ITGB6: variants seen among roughly 807,000 people sequenced by gnomAD.
The protein encoded by ITGB6 is integrin beta-6.
In ITGB6, 80 loss-of-function variants were observed where a neutral mutation model predicts 84.5. That is an observed-to-expected ratio of 0.95 (90% CI 0.79 to 1.14). The LOEUF is 1.14. Ranked by LOEUF, ITGB6 falls within the 50% of genes most tolerant of loss-of-function variation. ITGB6 has a pLI of 0.00. For missense variants in ITGB6, 1,006 were observed against 968.0 expected (o/e 1.04, Z -0.52); for synonymous variants, 383 against 354.9 (o/e 1.08, Z -0.89).
chr2:160,181,404 C>T (rs942680389), intron 4 of ITGB6, among the ~76,000 whole-genome samples: 3 of 152,202 alleles, frequency 2.0e-5, no homozygotes, highest in Non-Finnish European at 4.4e-5. Context: ...CACCGCAGCT[C>T]GGCAAAGCCT....
At chr2:160,115,003 C>T (rs1682702429) in intron 12 of ITGB6, among the ~76,000 whole-genome samples, 1 of 152,218 alleles carries the variant, frequency 6.6e-6, no homozygotes, top group Non-Finnish European at 1.5e-5. Flanking sequence ...CTGGGAAGCT[C>T]AAACTGGGTG....
At position 160,195,443 on chromosome 2, in the gene ITGB6, G is replaced by C. The variant is rs777881857; in HGVS notation, c.519C>G (p.Gly173=). The change falls in exon 4 of 15, where the codon GGC becomes GGG. Residue 173 remains glycine, a synonymous_variant. Coordinates refer to ENST00000283249, the MANE Select transcript of ITGB6 (RefSeq NM_000888.5). ...CAGGTTTTTCCACAAAAGATCCGAA[G>C]CCCAGTCTAAAGTTGCTGGTTAATT... The part of the protein sequence containing the change: ...MSKLTSNFRL[G]FGSFVEKPVS... 1.2e-6 allele frequency: 2 copies of C among 1,614,078 alleles called. No homozygotes were observed. The highest frequency in any genetic ancestry group is 1.7e-5 in the Admixed American group (1 of 60,000).
chr2:160,130,278 G>A (rs1028732237), intron 10 of ITGB6, among the ~76,000 whole-genome samples: 7 of 151,850 alleles, frequency 4.6e-5, no homozygotes, highest in East Asian at 1.9e-4. Context: ...TGACAAAATC[G>A]TCATTATGTG....
chr2:160,197,295 CA>C (rs892650556), intron 2 of ITGB6, among the ~76,000 whole-genome samples: 57 of 143,398 alleles, frequency 4.0e-4, no homozygotes, highest in East Asian at 2.8e-3. Context: ...GACTCCGTCT[CA>C]AAAAAAAAAA....
intron 10 of ITGB6, among the ~76,000 whole-genome samples, chr2:160,134,481 G>A (rs1458864230): frequency 6.6e-6 from 1 of 152,162 alleles, no homozygotes; most frequent in Non-Finnish European, 1.5e-5. Context: ...GAGGTACAAG[G>A]AGGAGCTGGT....
chr2:160,101,765 GT>G lies in ITGB6; in HGVS notation c.2337del (p.Lys779AsnfsTer4). 5 of 1,596,616 alleles carry G rather than the reference GT, an allele frequency of 3.1e-6. No individual in the cohort carries two copies. Among genetic ancestry groups the G allele is most frequent in the Non-Finnish European group, 4.3e-6 (5 of 1,164,690 alleles). ...FKNVTYKHRE[K>X]QKVDLSTDC is the part of the protein sequence containing the mutation. ...CAATCTGTGGAAAGGTCTACCTTTTGTTTTTCCCTGTGTTTATAAGTTACAT... is the reference window on the plus strand; with the variant it reads ...CAATCTGTGGAAAGGTCTACCTTTTGTTTTCCCTGTGTTTATAAGTTACAT... On this transcript the variant is annotated frameshift_variant, in exon 15 of 15. Coordinates refer to ENST00000283249, the MANE Select transcript of ITGB6 (RefSeq NM_000888.5). LOFTEE classifies it high-confidence loss of function.
At chr2:160,111,768 C>T (rs1682526358) in intron 13 of ITGB6, among the ~76,000 whole-genome samples, 2 of 151,952 alleles carry the variant, frequency 1.3e-5, no homozygotes, top group African/African-American at 2.4e-5. Context: ...TTAGTAGAGA[C>T]AGGGTTTCAC....
chr2:160,142,129 G>A (rs1684022809), intron 7 of ITGB6, 58 bp from the exon 8 acceptor site: 1 of 1,139,898 alleles, frequency 8.8e-7, no homozygotes, highest in Admixed American at 2.0e-5. Context: ...TGAGAAAAGT[G>A]TGGGTTTGAG....
In ITGB6 at chr2:160,166,105, G is replaced by GT. The variant is rs890220541; in HGVS notation, c.1017+3106dup. On this transcript the variant is annotated intron_variant, in intron 7 of 14. Transcript: ENST00000283249. ...CTCCTCAAACAGTTAATGATTGAGGGTTTTTTGTCTCCAGAGGAAAGGTCC... is the reference window on the plus strand; with the variant it reads ...CTCCTCAAACAGTTAATGATTGAGGGTTTTTTTGTCTCCAGAGGAAAGGTCC... Among the ~76,000 whole-genome samples, 19 of 152,170 alleles carry GT rather than the reference G, an allele frequency of 1.2e-4. No individual in the cohort carries two copies. The South Asian group carries it at 2.7e-3, about 22-fold the overall frequency.
intron 4 of ITGB6, among the ~76,000 whole-genome samples, chr2:160,174,871 A>C (rs919885872): frequency 6.6e-6 from 1 of 152,238 alleles, no homozygotes; most frequent in African/African-American, 2.4e-5. Flanking sequence ...ATAATCGTAT[A>C]GAGGAGAGGT....
chr2:160,113,426 T>C (rs1352314646), intron 12 of ITGB6, among the ~76,000 whole-genome samples: 1 of 152,250 alleles, frequency 6.6e-6, no homozygotes, highest in African/African-American at 2.4e-5. Flanking sequence ...AGAAGTATGC[T>C]TTGTATTATC....
intron 7 of ITGB6, among the ~76,000 whole-genome samples, chr2:160,151,491 C>T (rs903413648): frequency 6.6e-6 from 1 of 152,112 alleles, no homozygotes; most frequent in African/African-American, 2.4e-5. Flanking sequence ...CAAGAGAAAG[C>T]AGGAAAGATC....
At chr2:160,187,130 G>C (rs918419059) in intron 4 of ITGB6, among the ~76,000 whole-genome samples, 1 of 151,826 alleles carries the variant, frequency 6.6e-6, no homozygotes, top group African/African-American at 2.4e-5. Context: ...ATAAAAAATA[G>C]AAAAAAACAA....
intron 2 of ITGB6, among the ~76,000 whole-genome samples, chr2:160,197,173 G>A (rs1686375580): frequency 1.3e-5 from 2 of 152,118 alleles, no homozygotes; most frequent in South Asian, 4.1e-4. Flanking sequence ...GCTGGTGCCT[G>A]TAGTCCCAGC....
chr2:160,171,624 G>A (rs1010393492), intron 6 of ITGB6, among the ~76,000 whole-genome samples: 11 of 152,180 alleles, frequency 7.2e-5, no homozygotes, highest in African/African-American at 2.2e-4. Context: ...GTGAGCCAAC[G>A]TGCCCGGCCT....
At chr2:160,147,657 C>G (rs1002751940) in intron 7 of ITGB6, among the ~76,000 whole-genome samples, 1 of 151,950 alleles carries the variant, frequency 6.6e-6, no homozygotes, top group East Asian at 1.9e-4. Context: ...AATAGAGAGC[C>G]CAGAAATAGA....
At chr2:160,148,219 A>C (rs1005315896) in intron 7 of ITGB6, among the ~76,000 whole-genome samples, 3 of 152,210 alleles carry the variant, frequency 2.0e-5, no homozygotes. Context: ...TCCACATTAA[A>C]TGTCAGCAGG....
At chr2:160,178,739 T>G (rs940389964) in intron 4 of ITGB6, among the ~76,000 whole-genome samples, 1 of 145,890 alleles carries the variant, frequency 6.9e-6, no homozygotes, top group Admixed American at 7.2e-5. Context: ...TAGCCCAGGC[T>G]GGAATGCGGT....
chr2:160,156,236 T>C (rs1327997658), intron 7 of ITGB6, among the ~76,000 whole-genome samples: 2 of 152,176 alleles, frequency 1.3e-5, no homozygotes, highest in Admixed American at 6.5e-5. Flanking sequence ...CAGCTCCTCA[T>C]GGATTCCTCT....
Sources: gnomAD v4.1 joint callset for allele counts (sites outside exome capture counted in the v4.1 genomes callset) on GRCh38, gnomAD v4.1.1 for gene constraint, MANE v1.5 for transcripts, NCBI Gene and HGNC (gene_info 2026-07-23, HGNC 2026-07-21) for gene names.